CHD2: variants seen among roughly 807,000 people sequenced by gnomAD.
CHD2 encodes the protein ATP-dependent chromatin remodeler CHD2.
Under a neutral mutation model 243.9 loss-of-function variants are expected in CHD2, and 28 were observed. The ratio of observed to expected loss-of-function variants is 0.11; its 90% CI spans 0.09 to 0.16. The LOEUF (loss-of-function observed/expected upper bound fraction) is 0.16. Ranked by LOEUF, CHD2 falls within the 10% of genes least tolerant of loss-of-function variation. The pLI, the probability that CHD2 is intolerant of heterozygous loss-of-function variation, is 1.00. For missense variants in CHD2, 1,386 were observed against 2,209.8 expected (o/e 0.63, Z 7.47); for synonymous variants, 775 against 779.0 (o/e 0.99, Z 0.09).
At chr15:92,964,382 G>A (rs1171026042) in intron 16 of CHD2, among the ~76,000 whole-genome samples, 1 of 152,188 alleles carries the variant, frequency 6.6e-6, no homozygotes, top group African/African-American at 2.4e-5. Context: ...TGCTGGATGG[G>A]TAACTATAGT....
intron 6 of CHD2, among the ~76,000 whole-genome samples, chr15:92,938,977 G>A (rs1166096240): frequency 2.6e-5 from 4 of 152,010 alleles, no homozygotes; most frequent in Non-Finnish European, 4.4e-5. Flanking sequence ...ACAGATAATA[G>A]CATCCTCTGC....
chr15:92,960,706 T>TTTTG (rs2053674494), intron 16 of CHD2, among the ~76,000 whole-genome samples: 2 of 66,560 alleles, frequency 3.0e-5, no homozygotes, highest in Non-Finnish European at 6.8e-5. Flanking sequence ...CTGTTTGGTG[T>TTTTG]TTTTTTTTTT....
At chr15:92,954,521 T>G (rs2053593955) in intron 14 of CHD2, among the ~76,000 whole-genome samples, 1 of 152,234 alleles carries the variant, frequency 6.6e-6, no homozygotes. Context: ...ATTGTGTAAC[T>G]TAAACACTGG....
At chr15:92,994,730 T>C (rs1405630027) in intron 28 of CHD2, among the ~76,000 whole-genome samples, 2 of 152,226 alleles carry the variant, frequency 1.3e-5, no homozygotes, top group East Asian at 3.8e-4. Context: ...TTTTAAATGG[T>C]AGTACAGCAT....
At chr15:93,020,693 T>C (rs1396781164) in intron 38 of CHD2, 2 of 239,102 alleles carry the variant, frequency 8.4e-6, no homozygotes, top group Non-Finnish European at 1.6e-5. Context: ...ATGCCACCAG[T>C]AGTACGATGA....
Position 93,025,041 on chromosome 15 carries a change from A to G in CHD2, c.*336A>G, listed in dbSNP as rs2054575520. On this transcript the variant is annotated 3_prime_UTR_variant, in exon 39 of 39. Transcript: ENST00000394196. Reference sequence around the variant, plus strand: ...CAAGGAACAGGGGATCTTCAGAGTCATGAATGTTTTCTTGCCAGGGTCAGT... The same window carrying G: ...CAAGGAACAGGGGATCTTCAGAGTCGTGAATGTTTTCTTGCCAGGGTCAGT... 3.7e-6 allele frequency: 1 copy of G among 267,490 alleles called. No homozygotes were observed. The highest frequency in any genetic ancestry group is 7.1e-6 in the Non-Finnish European group (1 of 141,694). The allele number at this position is 267,490 out of a possible 1,614,324, so 16.6% of individuals were successfully genotyped here.
At chr15:92,921,472 A>C (rs1049164062) in intron 2 of CHD2, 6 of 152,182 alleles carry the variant, frequency 3.9e-5, no homozygotes, top group African/African-American at 1.4e-4. Context: ...TGCCTTGCCT[A>C]ACATCCCTTT....
chr15:92,958,898 ATGTTCTGTAGGTTAAGTGCAT>A (rs543607271), intron 16 of CHD2, among the ~76,000 whole-genome samples: 2 of 152,308 alleles, frequency 1.3e-5, no homozygotes, highest in African/African-American at 4.8e-5. Flanking sequence ...CTACGGTGTG[ATGTTCTGTAGGTTAAGTGCAT>A]TAAATGCATT....
At chr15:92,958,403 A>G (rs1395343324) in intron 16 of CHD2, among the ~76,000 whole-genome samples, 1 of 152,140 alleles carries the variant, frequency 6.6e-6, no homozygotes, top group Non-Finnish European at 1.5e-5. Context: ...TCTTTGGTGA[A>G]ATTTCTATTC....
chr15:92,911,501 G>A (rs1827465271), intron 2 of CHD2, among the ~76,000 whole-genome samples: 5 of 152,162 alleles, frequency 3.3e-5, no homozygotes, highest in Admixed American at 3.3e-4. Context: ...ACTTTCGGAG[G>A]CTGAGGCTGG....
intron 24 of CHD2, among the ~76,000 whole-genome samples, chr15:92,983,798 C>G (rs1045451140): frequency 1.3e-5 from 2 of 152,068 alleles, no homozygotes; most frequent in Admixed American, 1.3e-4. Context: ...TTTCCTAAGA[C>G]TAAAGTGCAC....
chr15:92,900,503 A>G lies in CHD2; in HGVS notation c.-393A>G, dbSNP rs2052514131. On this transcript the variant is annotated 5_prime_UTR_variant, in exon 1 of 39. Transcript: ENST00000394196. ...CGATTCGAACCTTTTTTTGGGAGAA[A>G]AGCAGCTTTTAGGAGCTTTCTTTTC... 2.5e-6 allele frequency: 1 copy of G among 398,666 alleles called. No homozygotes were observed. Among genetic ancestry groups the G allele is most frequent in the East Asian group, 3.6e-5 (1 of 28,046 alleles). 24.7% of individuals were successfully genotyped at this position (398,666 alleles called of 1,614,324 possible).
intron 2 of CHD2, among the ~76,000 whole-genome samples, chr15:92,910,385 G>C (rs959666728): frequency 1.1e-4 from 16 of 151,980 alleles, no homozygotes; most frequent in Non-Finnish European, 1.9e-4. Flanking sequence ...GTGACCTTAG[G>C]TCCTGCTGAT....
chr15:92,919,017 C>A (rs909142767), intron 2 of CHD2, among the ~76,000 whole-genome samples: 1 of 151,984 alleles, frequency 6.6e-6, no homozygotes, highest in African/African-American at 2.4e-5. Flanking sequence ...TGCCACCATA[C>A]CTGGCTAATT....
rs2054592766 is a variant in CHD2, at chr15:93,027,125, G to C, written c.*2420G>C. The C allele has an allele frequency of 6.6e-6, 1 of 152,668 alleles. No homozygotes were observed. The highest frequency in any genetic ancestry group is 6.5e-5 in the Admixed American group (1 of 15,288). The allele number at this position is 152,668 out of a possible 1,614,324, so 9.5% of individuals were successfully genotyped here. On this transcript the variant is annotated 3_prime_UTR_variant, in exon 39 of 39. Transcript: ENST00000394196. The stretch of plus-strand genomic sequence containing the variant: ...ACAACTATTTTAGGTGCTGGAGTAT[G>C]TTTGAAGAGTGTGCTGGGAAAAAGG...
intron 2 of CHD2, among the ~76,000 whole-genome samples, chr15:92,912,511 C>T (rs538550715): frequency 5.3e-5 from 8 of 152,130 alleles, no homozygotes; most frequent in South Asian, 2.1e-4. Context: ...TGTGCACCAC[C>T]GTGCCCAGTT....
At chr15:92,967,287 C>T (rs542121744) in intron 16 of CHD2, 38 bp from the exon 17 acceptor site, 9 of 1,389,156 alleles carry the variant, frequency 6.5e-6, no homozygotes, top group Admixed American at 2.4e-5. Context: ...TTCTTTTCCT[C>T]AATGTGGCTA....
At chr15:93,006,753 C>T (rs1284246410) in intron 34 of CHD2, among the ~76,000 whole-genome samples, 1 of 152,140 alleles carries the variant, frequency 6.6e-6, no homozygotes, top group African/African-American at 2.4e-5. Context: ...TACGTAGCCT[C>T]CCACATATAA....
rs1038003181 is a variant in CHD2 at position 93,020,103 on chromosome 15, G to C, written c.4998G>C (p.Glu1666Asp). The C allele has an allele frequency of 1.2e-6, 2 of 1,614,068 alleles. No individual in the cohort carries two copies. The highest frequency in any genetic ancestry group is 1.7e-6 in the Non-Finnish European group (2 of 1,180,048). Residue 1666 changes from glutamate to aspartate, a missense_variant, in exon 38 of 39, where the codon GAG becomes GAC. Physicochemically the swap from Glu to Asp is conservative, Grantham distance 45. This residue lies in a region of CHD2 where 347 missense variants were observed against 341.6 expected (regional missense o/e 1.02). Coordinates refer to ENST00000394196, the MANE Select transcript of CHD2 (RefSeq NM_001271.4). Reference protein sequence around the residue: ...PWGSDRHHQYEQHWYKDHHYG... With the variant: ...PWGSDRHHQYDQHWYKDHHYG... ...GAAGCGACAGGCACCATCAGTATGA[G>C]CAGCACTGGTACAAGGACCACCATT...
Sources: gnomAD v4.1 joint callset for allele counts (sites outside exome capture counted in the v4.1 genomes callset) on GRCh38, gnomAD v4.1.1 for gene constraint, gnomAD v4.1.1 regional missense constraint, MANE v1.5 for transcripts, NCBI Gene and HGNC (gene_info 2026-07-23, HGNC 2026-07-21) for gene names.